C8orf34: variants seen among roughly 807,000 people sequenced by gnomAD.
The protein encoded by C8orf34 is uncharacterized protein C8orf34.
In C8orf34, 65 loss-of-function variants were observed where a neutral mutation model predicts 68.3. That is an observed-to-expected ratio of 0.95 (90% CI 0.78 to 1.17). C8orf34 has a LOEUF of 1.17. Among genes scored for constraint, C8orf34 ranks in the 50% most tolerant of loss-of-function variants. C8orf34 has a pLI of 0.00. For synonymous variants in C8orf34, 244 were observed against 241.2 expected (o/e 1.01, Z -0.11); for missense variants, 664 against 655.4 (o/e 1.01, Z -0.14).
At chr8:68,635,786 A>T (rs977117177) in intron 7 of C8orf34, among the ~76,000 whole-genome samples, 11 of 152,216 alleles carry the variant, frequency 7.2e-5, no homozygotes, top group Admixed American at 1.3e-4. Context: ...TGTTATATTG[A>T]TGAGAAACAC....
intron 1 of C8orf34, among the ~76,000 whole-genome samples, chr8:68,372,838 G>A (rs1309088209): frequency 2.0e-5 from 3 of 152,270 alleles, no homozygotes; most frequent in East Asian, 1.9e-4. Flanking sequence ...ACTGATGAGT[G>A]AGAACATGCG....
chr8:68,815,409 C>T (rs917097268), intron 12 of C8orf34, among the ~76,000 whole-genome samples: 2 of 152,102 alleles, frequency 1.3e-5, no homozygotes, highest in Admixed American at 6.6e-5. Flanking sequence ...TATACTACCT[C>T]ATGAAATCAT....
intron 1 of C8orf34, among the ~76,000 whole-genome samples, chr8:68,374,873 T>C (rs1727962153): frequency 6.6e-6 from 1 of 152,194 alleles, no homozygotes; most frequent in South Asian, 2.1e-4. Flanking sequence ...CTCTGAACTT[T>C]GATTTACTCA....
At chr8:68,368,924 T>G (rs1807434357) in intron 1 of C8orf34, among the ~76,000 whole-genome samples, 1 of 152,184 alleles carries the variant, frequency 6.6e-6, no homozygotes, top group South Asian at 2.1e-4. Context: ...AATTCTTTCT[T>G]TTGTTGTTAT....
intron 1 of C8orf34, among the ~76,000 whole-genome samples, chr8:68,369,885 G>A (rs1010621817): frequency 2.0e-5 from 3 of 152,208 alleles, no homozygotes; most frequent in African/African-American, 7.2e-5. Flanking sequence ...GAGCACTAGA[G>A]CAGCATGTGC....
chr8:68,603,369 A>G (rs1479680675), intron 7 of C8orf34, among the ~76,000 whole-genome samples: 1 of 152,106 alleles, frequency 6.6e-6, no homozygotes, highest in African/African-American at 2.4e-5. Context: ...CCCAAAAGAA[A>G]TAAATGAGAT....
intron 10 of C8orf34, among the ~76,000 whole-genome samples, chr8:68,764,035 A>G (rs556372987): frequency 1.3e-5 from 2 of 152,304 alleles, no homozygotes; most frequent in Non-Finnish European, 2.9e-5. Flanking sequence ...TCCTCAGTCC[A>G]TCATTCCCTA....
At chr8:68,335,057 G>A (rs993628455) in intron 1 of C8orf34, among the ~76,000 whole-genome samples, 6 of 152,076 alleles carry the variant, frequency 3.9e-5, no homozygotes, top group Admixed American at 1.3e-4. Flanking sequence ...TAGTGTCTGC[G>A]GAGATCTCCT....
intron 7 of C8orf34, among the ~76,000 whole-genome samples, chr8:68,617,711 C>G (rs1237600747): frequency 2.0e-5 from 3 of 152,278 alleles, no homozygotes; most frequent in African/African-American, 4.8e-5. Context: ...TCTGGCTGCC[C>G]TTAACATTTT....
chr8:68,597,252 C>G (rs1310957332), intron 7 of C8orf34, among the ~76,000 whole-genome samples: 1 of 152,008 alleles, frequency 6.6e-6, no homozygotes, highest in Non-Finnish European at 1.5e-5. Context: ...CCAAGAGTCA[C>G]CTGTGTCTCA....
At chr8:68,424,052 T>C (rs1810101014) in intron 1 of C8orf34, among the ~76,000 whole-genome samples, 1 of 152,078 alleles carries the variant, frequency 6.6e-6, no homozygotes. Flanking sequence ...CCACACCATA[T>C]CACCTGTGCC....
Position 68,787,451 on chromosome 8 carries a change from C to T in C8orf34, c.1464C>T (p.Ser488=), listed in dbSNP as rs1823875550. The stretch of plus-strand genomic sequence containing the variant: ...AATGTGTTCTTTTGCAGGATGAATC[C>T]TTAAAGCAATTGCAGGTAGTTCATC... ...SLKNYMEEDE[S]LKQLQVVHQP... The change falls in exon 12 of 14, where the codon TCC becomes TCT. Residue 488 remains serine, a synonymous_variant. Coordinates refer to ENST00000518698, the MANE Select transcript of C8orf34 (RefSeq NM_052958.4). The T allele has an allele frequency of 6.2e-7, 1 of 1,609,360 alleles. No homozygotes were observed. Among genetic ancestry groups the T allele is most frequent in the Admixed American group, 1.7e-5 (1 of 59,748 alleles).
At chr8:68,667,407 A>C (rs978959107) in intron 8 of C8orf34, among the ~76,000 whole-genome samples, 1 of 152,178 alleles carries the variant, frequency 6.6e-6, no homozygotes, top group African/African-American at 2.4e-5. Context: ...GATTAATGTC[A>C]ACAGTTTAAT....
chr8:68,460,609 A>G (rs950512107), intron 3 of C8orf34, among the ~76,000 whole-genome samples: 1 of 152,164 alleles, frequency 6.6e-6, no homozygotes, highest in Non-Finnish European at 1.5e-5. Context: ...CAGAGGAACG[A>G]TCAGACAGCA....
intron 4 of C8orf34, among the ~76,000 whole-genome samples, chr8:68,487,257 C>T (rs1313833842): frequency 2.0e-5 from 3 of 151,934 alleles, no homozygotes; most frequent in Admixed American, 6.6e-5. Flanking sequence ...AGGAAAGGAC[C>T]CCTATCCCTG....
At chr8:68,393,895 C>G (rs766264784) in intron 1 of C8orf34, among the ~76,000 whole-genome samples, 1 of 152,024 alleles carries the variant, frequency 6.6e-6, no homozygotes, top group African/African-American at 2.4e-5. Flanking sequence ...CAGGGCCTTA[C>G]AGTAATCTAG....
chr8:68,419,820 G>T, intron 1 of C8orf34, among the ~76,000 whole-genome samples: 1 of 116,956 alleles, frequency 8.6e-6, no homozygotes, highest in Non-Finnish European at 1.6e-5. Flanking sequence ...ACACTCTGGG[G>T]ACTGTTGTGG....
intron 5 of C8orf34, among the ~76,000 whole-genome samples, chr8:68,503,268 T>C (rs746078008): frequency 4.6e-5 from 7 of 152,174 alleles, no homozygotes; most frequent in Non-Finnish European, 8.8e-5. Context: ...TCTATGTTAA[T>C]ACTATTACAT....
In C8orf34 at chr8:68,331,108, T is replaced by A. The variant is rs1267154641; in HGVS notation, c.96T>A (p.Ala32=). ...SAPHARVAPR[A]ATHARGRGRA... ...CCCACGCGCGCGTGGCTCCCCGGGC[T>A]GCCACCCACGCCCGCGGCCGGGGCC... The change falls in exon 1 of 14, where the codon GCT becomes GCA. Residue 32 remains alanine (A), a synonymous_variant. Transcript: ENST00000518698. 6.7e-7 allele frequency: 1 copy of A among 1,499,380 alleles called. No homozygotes were observed. The highest frequency in any genetic ancestry group is 8.8e-7 in the Non-Finnish European group (1 of 1,132,764). The allele number at this position is 1,499,380 out of a possible 1,614,324, so 92.9% of individuals were successfully genotyped here. A position where few individuals can be genotyped will look rare whatever the true frequency, so the allele number is the denominator to read the frequency against.
Sources: allele counts gnomAD v4.1 joint callset (sites outside exome capture counted in the v4.1 genomes callset), GRCh38; gene constraint gnomAD v4.1.1; transcripts MANE v1.5; gene names NCBI Gene and HGNC (gene_info 2026-07-23, HGNC 2026-07-21).